Variants in SPON2 observed in about 807,000 individuals in gnomAD.
The protein encoded by SPON2 is spondin 2, also known as spondin-2.
A neutral mutation model predicts 29.9 loss-of-function variants in SPON2; 32 were observed. The observed-to-expected ratio is 1.07, with a 90% CI of 0.81 to 1.44. The LOEUF (loss-of-function observed/expected upper bound fraction) is 1.44. SPON2 is among the 40% of genes most tolerant of loss of function. SPON2 has a pLI of 0.00. For synonymous variants in SPON2, 248 were observed against 209.1 expected (o/e 1.19, Z -1.61); for missense variants, 541 against 455.5 (o/e 1.19, Z -1.71).
At chr4:1,171,685 G>T in intron 2 of SPON2, 167 bp downstream of exon 2, 1 of 758,906 alleles carries the variant, frequency 1.3e-6, no homozygotes, top group Non-Finnish European at 2.1e-6. Context: ...TGCCCCCACC[G>T]CATCCCCGGA....
chr4:1,171,588 G>A, intron 2 of SPON2, 102 bp from the exon 3 acceptor site: 1 of 1,232,770 alleles, frequency 8.1e-7, no homozygotes, highest in Non-Finnish European at 1.1e-6. Flanking sequence ...CGCCCGCAGG[G>A]AACCATGGCC....
intron 1 of SPON2, among the ~76,000 whole-genome samples, chr4:1,184,155 G>C (rs778345477): frequency 2.6e-5 from 4 of 152,032 alleles, no homozygotes; most frequent in Non-Finnish European, 5.9e-5. Context: ...TTTTCGTAGA[G>C]ACCAGGTTTC....
chr4:1,186,009 C>A (rs1183342739), intron 1 of SPON2, among the ~76,000 whole-genome samples: 1 of 150,834 alleles, frequency 6.6e-6, no homozygotes, highest in Non-Finnish European at 1.5e-5. Context: ...CTTTGGGAGG[C>A]CGAGGCGGGC....
intron 1 of SPON2, among the ~76,000 whole-genome samples, chr4:1,182,089 T>C (rs962626463): frequency 6.6e-6 from 1 of 151,998 alleles, no homozygotes; most frequent in African/African-American, 2.4e-5. Flanking sequence ...AACAACAAAA[T>C]GTAACAAAAA....
chr4:1,186,714 G>C (rs1013748143), intron 1 of SPON2, among the ~76,000 whole-genome samples: 3 of 152,112 alleles, frequency 2.0e-5, no homozygotes, highest in African/African-American at 7.2e-5. Context: ...AATGGGCAGA[G>C]GACATGAATA....
chr4:1,204,454 A>G (rs565438251), intron 1 of SPON2, among the ~76,000 whole-genome samples: 13 of 152,140 alleles, frequency 8.5e-5, no homozygotes, highest in Non-Finnish European at 1.2e-4. Flanking sequence ...CCTCTCACTG[A>G]TTCAAAACGT....
In SPON2 at chr4:1,168,986, C is replaced by T. The variant is rs553911009; in HGVS notation, c.812-1330G>A. 2.0e-5 allele frequency among the ~76,000 whole-genome samples: 3 copies of T among 152,328 alleles called. No homozygotes were observed. In the South Asian group the frequency reaches 6.2e-4, roughly 32 times the overall value. ...TGGTCTGTGCTCCGTCCCCACTGCC[C>T]ACTCTGGTCCCTCGGCTGGCACAGC... On this transcript the variant is annotated intron_variant, in intron 5 of 5. Coordinates refer to ENST00000290902, the MANE Select transcript of SPON2 (RefSeq NM_012445.4).
At chr4:1,172,320 C>G in intron 1 of SPON2, 1 of 578,330 alleles carries the variant, frequency 1.7e-6, no homozygotes, top group Non-Finnish European at 3.1e-6. Context: ...CAGTCCGAGT[C>G]CCTGCAGCTT....
chr4:1,200,385 T>A (rs1045113791), intron 1 of SPON2, among the ~76,000 whole-genome samples: 2 of 151,360 alleles, frequency 1.3e-5, no homozygotes, highest in Admixed American at 6.6e-5. Context: ...GGGGAGTAAA[T>A]GACAGAGGGA....
At chr4:1,170,950 C>A in intron 4 of SPON2, 49 bp downstream of exon 4, 1 of 1,544,476 alleles carries the variant, frequency 6.5e-7, no homozygotes, top group Non-Finnish European at 8.8e-7. Context: ...AGCCCCGTCC[C>A]CACCGCGGGG....
chr4:1,172,193 C>T, intron 1 of SPON2, 119 bp from the exon 2 acceptor site: 3 of 810,940 alleles, frequency 3.7e-6, no homozygotes, highest in African/African-American at 1.7e-5. Flanking sequence ...CCGCGACCCC[C>T]TCCCTGCTCC....
At chr4:1,176,924 A>G (rs1577901763), upstream of SPON2, among the ~76,000 whole-genome samples, 1 of 137,770 alleles carries the variant, frequency 7.3e-6, no homozygotes, top group African/African-American at 3.0e-5. Context: ...CAAGGTGAGT[A>G]TTCCTTGCAT....
chr4:1,189,384 T>C (rs1727859952), intron 1 of SPON2, among the ~76,000 whole-genome samples: 1 of 151,872 alleles, frequency 6.6e-6, no homozygotes, highest in African/African-American at 2.4e-5. Context: ...AGACCGGGTA[T>C]GGTGGCTCAC....
intron 1 of SPON2, among the ~76,000 whole-genome samples, chr4:1,188,431 G>C (rs1211673657): frequency 6.6e-6 from 1 of 152,038 alleles, no homozygotes; most frequent in Admixed American, 6.6e-5. Context: ...CGGATAGAAG[G>C]GCTGACTTTT....
At chr4:1,200,443 C>T (rs747299373) in intron 1 of SPON2, among the ~76,000 whole-genome samples, 2 of 151,618 alleles carry the variant, frequency 1.3e-5, no homozygotes, top group African/African-American at 4.8e-5. Context: ...GCAGGCTAAG[C>T]GAGGATGGCT....
Position 1,170,572 on chromosome 4 carries a change from G to A in SPON2, c.641C>T (p.Thr214Met), listed in dbSNP as rs377322914. The part of the protein sequence containing the change: ...TIPQDTVTEI[T>M]SSSPSHPANS... ...GGCCGGGTGGCTGGGAGAGGAGGAC[G>A]TTATCTGGGGAGGAAGAAGAGGAGG... Residue 214 changes from threonine (T) to methionine (M), a missense_variant, in exon 5 of 6, where the codon ACG becomes ATG. Thr to Met is a moderately conservative substitution (Grantham distance 81, BLOSUM62 -1). Transcript: ENST00000290902. The A allele has an allele frequency of 2.1e-5, 34 of 1,607,810 alleles. No homozygotes were observed. The highest frequency in any genetic ancestry group is 2.7e-5 in the Non-Finnish European group (32 of 1,178,222).
intron 1 of SPON2, among the ~76,000 whole-genome samples, chr4:1,193,868 A>G (rs1206030204): frequency 5.3e-4 from 6 of 11,292 alleles, no homozygotes; most frequent in African/African-American, 9.4e-4. Flanking sequence ...GACGTGGGGG[A>G]CGGTGTGGGA....
intron 1 of SPON2, among the ~76,000 whole-genome samples, chr4:1,180,079 C>G (rs1021658948): frequency 1.3e-5 from 2 of 152,052 alleles, no homozygotes; most frequent in African/African-American, 4.8e-5. Context: ...ATTCCCAGGT[C>G]TGAGCTCCAG....
chr4:1,206,453 G>A (rs961840524), intron 1 of SPON2, among the ~76,000 whole-genome samples: 6 of 152,358 alleles, frequency 3.9e-5, no homozygotes, highest in South Asian at 2.1e-4. Context: ...AGAGGGCCAC[G>A]CTGTGACAGA....
Sources: gnomAD v4.1 joint callset for allele counts (sites outside exome capture counted in the v4.1 genomes callset) on GRCh38, gnomAD v4.1.1 for gene constraint, MANE v1.5 for transcripts, NCBI Gene and HGNC (gene_info 2026-07-23, HGNC 2026-07-21) for gene names.